Variants in ARHGAP15 observed in about 807,000 individuals in gnomAD.
ARHGAP15 encodes the protein Rho GTPase activating protein 15, also known as rho GTPase-activating protein 15.
ARHGAP15 carries 51 observed loss-of-function variants against 63.7 expected under a neutral mutation model. That is an observed-to-expected ratio of 0.80 (90% CI 0.64 to 1.01). ARHGAP15 has a LOEUF of 1.01. Ranked by LOEUF, ARHGAP15 falls within the 50% of genes least tolerant of loss-of-function variation. ARHGAP15 has a pLI of 0.00. For missense variants in ARHGAP15, 560 were observed against 564.6 expected, an observed-to-expected ratio of 0.99 and a Z score of 0.08; for synonymous variants, 191 against 193.8, an observed-to-expected ratio of 0.99 and a Z score of 0.12.
intron 6 of ARHGAP15, among the ~76,000 whole-genome samples, chr2:143,329,933 A>AG (rs1684434740): frequency 6.8e-6 from 1 of 147,540 alleles, no homozygotes; most frequent in Non-Finnish European, 1.5e-5. Flanking sequence ...ACTACAAAAA[A>AG]AAAAAAAAAT....
chr2:143,330,134 A>AAAAAAAAAC (rs1684476262), intron 6 of ARHGAP15, among the ~76,000 whole-genome samples: 1 of 30,118 alleles, frequency 3.3e-5, no homozygotes, highest in Non-Finnish European at 9.7e-5. Flanking sequence ...AAAAAAAACC[A>AAAAAAAAAC]AAAACAAAAA....
chr2:143,178,293 T>A (rs1020126629), intron 2 of ARHGAP15, among the ~76,000 whole-genome samples: 1 of 152,216 alleles, frequency 6.6e-6, no homozygotes, highest in Admixed American at 6.5e-5. Context: ...ATTATAGTTA[T>A]TTTTTCAATG....
intron 6 of ARHGAP15, among the ~76,000 whole-genome samples, chr2:143,315,508 G>C (rs544974916): frequency 1.3e-5 from 2 of 151,918 alleles, no homozygotes; most frequent in African/African-American, 4.8e-5. Flanking sequence ...ACAGATACCA[G>C]AATACTAACT....
chr2:143,674,292 C>G (rs1682716756), intron 12 of ARHGAP15, among the ~76,000 whole-genome samples: 1 of 152,024 alleles, frequency 6.6e-6, no homozygotes, highest in African/African-American at 2.4e-5. Flanking sequence ...ACAGAGCACT[C>G]AAAAATAAGG....
At chr2:143,314,884 A>G (rs1683623913) in intron 6 of ARHGAP15, among the ~76,000 whole-genome samples, 1 of 152,224 alleles carries the variant, frequency 6.6e-6, no homozygotes, top group African/African-American at 2.4e-5. Flanking sequence ...CACTTTGACA[A>G]ATCAATTCAT....
intron 10 of ARHGAP15, among the ~76,000 whole-genome samples, chr2:143,547,845 T>C (rs1267596650): frequency 6.6e-6 from 1 of 152,062 alleles, no homozygotes; most frequent in Non-Finnish European, 1.5e-5. Context: ...TGTGTCTCTA[T>C]ACAAGAATAC....
intron 2 of ARHGAP15, among the ~76,000 whole-genome samples, chr2:143,171,448 C>A (rs1690777312): frequency 6.6e-6 from 1 of 152,062 alleles, no homozygotes; most frequent in Non-Finnish European, 1.5e-5. Context: ...TAAAATAAGG[C>A]ATCCTGGAGA....
intron 3 of ARHGAP15, among the ~76,000 whole-genome samples, chr2:143,209,556 A>AT (rs1198190053): frequency 1.4e-5 from 2 of 146,956 alleles, no homozygotes; most frequent in African/African-American, 2.6e-5. Flanking sequence ...ATGTGCTATG[A>AT]TAAAAAAAAA....
chr2:143,672,958 A>C (rs1682603002), intron 12 of ARHGAP15, among the ~76,000 whole-genome samples: 1 of 152,186 alleles, frequency 6.6e-6, no homozygotes, highest in Non-Finnish European at 1.5e-5. Flanking sequence ...TCTGCTAATA[A>C]ACTTTCCCTC....
At chr2:143,668,037 A>T (rs1006855874) in intron 12 of ARHGAP15, among the ~76,000 whole-genome samples, 4 of 151,848 alleles carry the variant, frequency 2.6e-5, no homozygotes. Flanking sequence ...TATTTTTAAA[A>T]AGAGAAACAT....
At chr2:143,632,674 T>A (rs1219576488) in intron 12 of ARHGAP15, among the ~76,000 whole-genome samples, 1 of 152,126 alleles carries the variant, frequency 6.6e-6, no homozygotes, top group Non-Finnish European at 1.5e-5. Flanking sequence ...CAGATAAAAA[T>A]AATACATTGC....
chr2:143,335,857 A>G (rs1684749010), intron 6 of ARHGAP15, among the ~76,000 whole-genome samples: 1 of 152,200 alleles, frequency 6.6e-6, no homozygotes. Flanking sequence ...ATTCAGGCAG[A>G]GGAAATGCAC....
rs1282754721 is a variant in ARHGAP15 at position 143,763,508 on chromosome 2, T to G, written c.1245-4481T>G. On this transcript the variant is annotated intron_variant, in intron 13 of 13. Coordinates refer to ENST00000295095, the MANE Select transcript of ARHGAP15 (RefSeq NM_018460.4). The stretch of plus-strand genomic sequence containing the variant: ...ATGACTTCTACCCCAAATTGATCTT[T>G]ACCTTCACCTTTTCTAACCTAAAGA... 3.9e-5 allele frequency among the ~76,000 whole-genome samples: 6 copies of G among 151,994 alleles called. No homozygotes were observed. The East Asian group carries it at 1.2e-3, about 29-fold the overall frequency.
chr2:143,668,040 A>G (rs901972556), intron 12 of ARHGAP15, among the ~76,000 whole-genome samples: 2 of 151,756 alleles, frequency 1.3e-5, no homozygotes, highest in African/African-American at 4.8e-5. Flanking sequence ...TTTTAAAAAG[A>G]GAAACATTTA....
At chr2:143,306,014 G>A (rs58553600) in intron 6 of ARHGAP15, among the ~76,000 whole-genome samples, 11 of 152,070 alleles carry the variant, frequency 7.2e-5, no homozygotes, top group Non-Finnish European at 1.2e-4. Context: ...AGGTACTTAC[G>A]TTGAATTTTT....
intron 9 of ARHGAP15, among the ~76,000 whole-genome samples, chr2:143,497,333 T>C (rs1213885996): frequency 6.6e-6 from 1 of 152,200 alleles, no homozygotes; most frequent in Non-Finnish European, 1.5e-5. Context: ...TGCTGCGCTC[T>C]GGAGAGATGG....
Position 143,202,079 on chromosome 2 carries a change from C to A in ARHGAP15, c.166-55C>A, listed in dbSNP as rs188609203. ...ATTGGTTATTTTATGTGTATTCTTA[C>A]TAAACTCTATCAAGAAAAATTATGT... On this transcript the variant is annotated intron_variant, in intron 2 of 13. Transcript: ENST00000295095. 2,300 of 1,396,904 alleles carry A rather than the reference C, an allele frequency of 1.6e-3. 8 individuals are homozygous for A. Among genetic ancestry groups the A allele is most frequent in the Non-Finnish European group, 2.0e-3 (1,982 of 984,406 alleles). The allele number at this position is 1,396,904 out of a possible 1,614,324, so 86.5% of individuals were successfully genotyped here.
At chr2:143,269,685 T>G (rs1344984840) in intron 6 of ARHGAP15, among the ~76,000 whole-genome samples, 2 of 92,768 alleles carry the variant, frequency 2.2e-5, no homozygotes, top group African/African-American at 9.4e-5. Flanking sequence ...ATGTGTTAGT[T>G]TTTTTTTAAG....
intron 12 of ARHGAP15, among the ~76,000 whole-genome samples, chr2:143,667,584 A>T (rs1410763059): frequency 5.3e-5 from 1 of 18,950 alleles, no homozygotes; most frequent in Non-Finnish European, 1.4e-4. Flanking sequence ...AAAAAAATTA[A>T]AAAAAAAAAA....
Sources: gnomAD v4.1 joint callset for allele counts (sites outside exome capture counted in the v4.1 genomes callset) on GRCh38, gnomAD v4.1.1 for gene constraint, MANE v1.5 for transcripts, NCBI Gene and HGNC (gene_info 2026-07-23, HGNC 2026-07-21) for gene names.